EPB41L2: variants seen among roughly 807,000 people sequenced by gnomAD.
EPB41L2 encodes erythrocyte membrane protein band 4.1 like 2.
Under a neutral mutation model 113.0 loss-of-function variants are expected in EPB41L2, and 43 were observed. The ratio of observed to expected loss-of-function variants is 0.38; its 90% CI spans 0.30 to 0.49. EPB41L2 has a LOEUF of 0.49. EPB41L2 is among the 20% of genes least tolerant of loss of function. EPB41L2 has a pLI of 0.95. For missense variants in EPB41L2, 1,147 were observed against 1,223.4 expected (o/e 0.94, Z 0.93); for synonymous variants, 442 against 436.7 (o/e 1.01, Z -0.15).
At chr6:130,857,549 CTTTTTTTTTTTTTTTT>C (rs10557309) in intron 19 of EPB41L2, among the ~76,000 whole-genome samples, 7 of 72,846 alleles carry the variant, frequency 9.6e-5, no homozygotes, top group African/African-American at 3.5e-4. Flanking sequence ...TCAGATGTAT[CTTTTTTTTTTTTTTTT>C]TTTTTTTTTT....
At chr6:131,053,470 TAAAGG>T (rs1321844571) in intron 1 of EPB41L2, among the ~76,000 whole-genome samples, 1 of 146,204 alleles carries the variant, frequency 6.8e-6, no homozygotes, top group Non-Finnish European at 1.5e-5. Context: ...GAAACTGTTT[TAAAGG>T]AAAGGCCAGG....
chr6:130,942,525 C>T (rs1179901193), intron 3 of EPB41L2, among the ~76,000 whole-genome samples: 2 of 152,194 alleles, frequency 1.3e-5, no homozygotes, highest in African/African-American at 4.8e-5. Context: ...ATTGTTGTTG[C>T]ATGAGAGAGT....
At chr6:130,982,426 T>C (rs1206010599) in intron 1 of EPB41L2, among the ~76,000 whole-genome samples, 3 of 152,304 alleles carry the variant, frequency 2.0e-5, no homozygotes, top group South Asian at 2.1e-4. Flanking sequence ...ATTCTCCAAT[T>C]CTTTGGAAGG....
In EPB41L2 at chr6:130,931,436, A is replaced by G. The variant is rs181887891; in HGVS notation, c.706-4727T>C. Among the ~76,000 whole-genome samples, 319 of 152,308 alleles carry G rather than the reference A, an allele frequency of 2.1e-3. 4 individuals are homozygous for G. Among genetic ancestry groups the G allele is most frequent in the Middle Eastern group, 0.01 (3 of 294 alleles). On this transcript the variant is annotated intron_variant, in intron 3 of 19. Coordinates refer to ENST00000337057, the MANE Select transcript of EPB41L2 (RefSeq NM_001431.4). ...AAGTCACTCCTAAGAAACCTAAAACAGATGTGCTTTGGAGGCTTATTCAAA... is the reference window on the plus strand; with the variant it reads ...AAGTCACTCCTAAGAAACCTAAAACGGATGTGCTTTGGAGGCTTATTCAAA...
At chr6:130,859,508 C>T (rs1305611680) in intron 18 of EPB41L2, among the ~76,000 whole-genome samples, 1 of 119,734 alleles carries the variant, frequency 8.4e-6, no homozygotes, top group Non-Finnish European at 1.8e-5. Flanking sequence ...GAGACTTTGT[C>T]TCAAAAAAAA....
chr6:130,866,861 T>C (rs1173864602), intron 16 of EPB41L2, among the ~76,000 whole-genome samples: 1 of 152,220 alleles, frequency 6.6e-6, no homozygotes, highest in East Asian at 1.9e-4. Context: ...AACACACAAA[T>C]CTGATAATTA....
Position 130,880,197 on chromosome 6 carries a change from A to T in EPB41L2, c.1843T>A (p.Leu615Met). The part of the protein sequence containing the change: ...LQLIEGKKNS[L>M]RVEGDNIYVR... ...TAAATATTATCCCCTTCTACTCTCA[A>T]GGAATTTTTCTGTGAAATTAAATCA... The change falls in exon 13 of 20, where the codon TTG (leucine) becomes ATG (methionine). Residue 615 changes from leucine (L) to methionine (M), a missense_variant. Transcript: ENST00000337057. 6.2e-7 allele frequency: 1 copy of T among 1,609,014 alleles called. No homozygotes were observed. Among genetic ancestry groups the T allele is most frequent in the Non-Finnish European group, 8.5e-7 (1 of 1,175,526 alleles).
intron 1 of EPB41L2, among the ~76,000 whole-genome samples, chr6:131,041,422 T>A (rs184686951): frequency 3.9e-5 from 6 of 152,312 alleles, no homozygotes; most frequent in Admixed American, 3.9e-4. Flanking sequence ...TCAGTCCAGC[T>A]AGAAACACCT....
chr6:130,867,648 T>C, intron 15 of EPB41L2, 67 bp from the exon 16 acceptor site: 1 of 1,567,062 alleles, frequency 6.4e-7, no homozygotes, highest in Non-Finnish European at 8.8e-7. Context: ...TAATGGAACC[T>C]TCACAAATAA....
intron 1 of EPB41L2, among the ~76,000 whole-genome samples, chr6:130,996,510 C>CTA (rs1486261166): frequency 1.2e-4 from 18 of 152,198 alleles, no homozygotes; most frequent in African/African-American, 3.6e-4. Context: ...AATGACTAGC[C>CTA]TATGTCTTTC....
chr6:131,039,819 T>C (rs535846119), intron 1 of EPB41L2, among the ~76,000 whole-genome samples: 4 of 150,498 alleles, frequency 2.7e-5, no homozygotes, highest in Admixed American at 2.6e-4. Context: ...TCAAAAATGA[T>C]ACTCAAAAAG....
chr6:131,021,796 A>G (rs1299645909), intron 1 of EPB41L2, among the ~76,000 whole-genome samples: 2 of 152,214 alleles, frequency 1.3e-5, no homozygotes, highest in African/African-American at 4.8e-5. Context: ...CTCCCATTTT[A>G]TAGATGAAAC....
In EPB41L2 at chr6:130,955,172, T is replaced by C; in HGVS notation, c.638A>G (p.Lys213Arg). 6.2e-7 allele frequency: 1 copy of C among 1,614,210 alleles called. No homozygotes were observed. The highest frequency in any genetic ancestry group is 8.5e-7 in the Non-Finnish European group (1 of 1,180,038). Residue 213 changes from lysine (K) to arginine (R), a missense_variant, in exon 3 of 20, where the codon AAG becomes AGG. Transcript: ENST00000337057. ...TTTACACTGGACAGTTTTGGTCTTC[T>C]TGGTGACTTTTTGAGATGCCTTCTC... ...KAEKASQKVT[K>R]KTKTVQCKVT...
In EPB41L2 at chr6:130,985,003, G is replaced by A. The variant is rs963712671; in HGVS notation, c.-14-28504C>T. ...GATGAAGAATGGACAATATGCTCTC[G>A]AAGATCTTGGTGATAGTGACAGGAG... is the stretch of plus-strand genomic sequence containing the variant. On this transcript the variant is annotated intron_variant, in intron 1 of 19. Transcript: ENST00000337057. 1.2e-4 allele frequency among the ~76,000 whole-genome samples: 18 copies of A among 152,248 alleles called. 1 individual carries two copies. Among genetic ancestry groups the A allele is most frequent in the African/African-American group, 2.9e-4 (12 of 41,572 alleles).
chr6:130,974,678 G>A (rs1355141112), intron 1 of EPB41L2, among the ~76,000 whole-genome samples: 4 of 143,158 alleles, frequency 2.8e-5, no homozygotes, highest in Non-Finnish European at 4.5e-5. Context: ...AAAGCCAATA[G>A]ACTTTTCCAC....
At chr6:131,059,003 G>T (rs1370182090) in intron 1 of EPB41L2, among the ~76,000 whole-genome samples, 1 of 151,906 alleles carries the variant, frequency 6.6e-6, no homozygotes, top group Non-Finnish European at 1.5e-5. Flanking sequence ...ACGACAGAGT[G>T]AAACTGTGTC....
chr6:130,975,862 A>G (rs906041437), intron 1 of EPB41L2, among the ~76,000 whole-genome samples: 1 of 152,106 alleles, frequency 6.6e-6, no homozygotes, highest in Admixed American at 6.5e-5. Context: ...CGTCTCTACT[A>G]AAAATACAAA....
At chr6:130,891,428 T>TTTATTTACTTAC (rs67670350) in intron 10 of EPB41L2, among the ~76,000 whole-genome samples, 94 of 149,466 alleles carry the variant, frequency 6.3e-4, no homozygotes, top group African/African-American at 2.1e-3. Context: ...TATTTATTTA[T>TTTATTTACTTAC]TTACTTACTT....
intron 3 of EPB41L2, among the ~76,000 whole-genome samples, chr6:130,939,396 G>A: frequency 6.6e-6 from 1 of 151,996 alleles, no homozygotes; most frequent in Non-Finnish European, 1.5e-5. Flanking sequence ...TGGGATTACA[G>A]GCGTGTGCCA....
Sources: gnomAD v4.1 joint callset for allele counts (sites outside exome capture counted in the v4.1 genomes callset) on GRCh38, gnomAD v4.1.1 for gene constraint, MANE v1.5 for transcripts, NCBI Gene and HGNC (gene_info 2026-07-23, HGNC 2026-07-21) for gene names.